SPATA1: variants seen among roughly 807,000 people sequenced by gnomAD.
SPATA1 encodes spermatogenesis-associated protein 1.
A neutral mutation model predicts 59.6 loss-of-function variants in SPATA1; 57 were observed. The ratio of observed to expected loss-of-function variants is 0.96; its 90% CI spans 0.77 to 1.19. The LOEUF (loss-of-function observed/expected upper bound fraction) is 1.19, where lower values mean the gene tolerates loss of function less well. SPATA1 is among the 50% of genes most tolerant of loss of function. The probability of loss-of-function intolerance (pLI) is 0.00; values close to 1 mark genes in which losing one functional copy is unlikely to be tolerated. For synonymous variants in SPATA1, 147 were observed against 163.9 expected (o/e 0.90, Z 0.79); for missense variants, 448 against 480.7 (o/e 0.93, Z 0.64).
chr1:84,545,666 A>G, exon 10 of SPATA1: 1 of 1,525,806 alleles, frequency 6.6e-7, no homozygotes, highest in Non-Finnish European at 8.7e-7. Flanking sequence ...GAAACAAGTA[A>G]AGGAAGAAAG....
At chr1:84,523,025 C>A (rs1263683486) in intron 4 of SPATA1, among the ~76,000 whole-genome samples, 3 of 151,934 alleles carry the variant, frequency 2.0e-5, no homozygotes, top group Admixed American at 2.0e-4. Context: ...ATTCTCCTGC[C>A]TCCCGAGTAG....
chr1:84,562,883 G>C (rs1367567622), intron 4 of SPATA1, among the ~76,000 whole-genome samples: 1 of 151,978 alleles, frequency 6.6e-6, no homozygotes, highest in Non-Finnish European at 1.5e-5. Flanking sequence ...AGAATCTGTA[G>C]GCCACTTTGA....
chr1:84,529,797 C>T (rs1031568384), intron 6 of SPATA1, among the ~76,000 whole-genome samples: 5 of 151,306 alleles, frequency 3.3e-5, no homozygotes, highest in Admixed American at 2.6e-4. Context: ...CCACCCGCCT[C>T]GGCCTCCCAA....
chr1:84,517,145 A>C (rs751195304), intron 2 of SPATA1, among the ~76,000 whole-genome samples: 3 of 152,156 alleles, frequency 2.0e-5, no homozygotes, highest in Non-Finnish European at 1.5e-5. Flanking sequence ...ACAACAGTTG[A>C]CACCATTAAT....
chr1:84,557,932 C>A (rs1382830872), downstream of SPATA1, among the ~76,000 whole-genome samples: 1 of 151,324 alleles, frequency 6.6e-6, no homozygotes, highest in Admixed American at 6.6e-5. Context: ...GCCTTCAATG[C>A]GCACCAAAAT....
intron 7 of SPATA1, 47 bp from the exon 8 acceptor site, chr1:84,533,662 C>A: frequency 7.4e-7 from 1 of 1,350,024 alleles, no homozygotes; most frequent in South Asian, 1.3e-5. Context: ...AGCTAATATT[C>A]ATGGGATCAT....
downstream of SPATA1, among the ~76,000 whole-genome samples, chr1:84,557,116 C>CA (rs2102017094): frequency 6.6e-6 from 1 of 152,278 alleles, no homozygotes; most frequent in Non-Finnish European, 1.5e-5. Flanking sequence ...ATGGTTAAGG[C>CA]ATATTTGCTT....
chr1:84,530,092 A>C (rs1683409181), intron 6 of SPATA1, among the ~76,000 whole-genome samples: 2 of 151,160 alleles, frequency 1.3e-5, no homozygotes, highest in African/African-American at 4.9e-5. Context: ...TCCTGAGCTC[A>C]GGCAATCCGC....
At chr1:84,548,657 G>C (rs1007722553) in intron 10 of SPATA1, 129 bp from the exon 11 acceptor site, 14 of 1,147,614 alleles carry the variant, frequency 1.2e-5, no homozygotes, top group Non-Finnish European at 1.6e-5. Flanking sequence ...GAGAAGAGGA[G>C]AGAAAGAGGA....
At chr1:84,550,341 T>A in intron 11 of SPATA1, 91 bp from the exon 12 acceptor site, 1 of 561,636 alleles carries the variant, frequency 1.8e-6, no homozygotes, top group Non-Finnish European at 2.8e-6. Context: ...ACTCTTTTGA[T>A]CTTTATCATT....
intron 1 of SPATA1, chr1:84,506,822 C>T (rs1682274165): frequency 6.6e-6 from 1 of 152,288 alleles, no homozygotes; most frequent in African/African-American, 2.4e-5. Context: ...GAGAAGGGAT[C>T]TTCTCGAGGT....
intron 2 of SPATA1, among the ~76,000 whole-genome samples, chr1:84,517,742 G>A (rs2101928063): frequency 6.6e-6 from 1 of 151,824 alleles, no homozygotes; most frequent in East Asian, 1.9e-4. Flanking sequence ...CACTTCCAAG[G>A]GATTGACTCC....
At chr1:84,548,985 C>T in intron 11 of SPATA1, 21 bp downstream of exon 11, 2 of 1,526,310 alleles carry the variant, frequency 1.3e-6, no homozygotes, top group Non-Finnish European at 1.8e-6. Flanking sequence ...ATGTATCCCC[C>T]TTCCGTTAGA....
chr1:84,536,646 G>T (rs1486873992), intron 8 of SPATA1, among the ~76,000 whole-genome samples: 1 of 151,852 alleles, frequency 6.6e-6, no homozygotes, highest in Non-Finnish European at 1.5e-5. Flanking sequence ...GTGTTTCACC[G>T]TGTTAGCCAG....
exon 2 of SPATA1, chr1:84,516,328 T>C (rs532134305): frequency 8.7e-6 from 13 of 1,500,244 alleles, no homozygotes; most frequent in East Asian, 2.6e-5. Context: ...AAAATTCCAA[T>C]TGATAATTAT....
chr1:84,566,263 C>T (rs553612182), downstream of SPATA1: 1 of 186,642 alleles, frequency 5.4e-6, no homozygotes, highest in African/African-American at 2.3e-5. Context: ...TAGAAGATGG[C>T]CTTCAAACTC....
downstream of SPATA1, among the ~76,000 whole-genome samples, chr1:84,556,860 A>T (rs772911545): frequency 6.6e-6 from 1 of 152,176 alleles, no homozygotes; most frequent in South Asian, 2.1e-4. Context: ...TTTTAGAACT[A>T]GACAAAGCCA....
chr1:84,549,716 C>T (rs1684213156), intron 11 of SPATA1: 1 of 151,748 alleles, frequency 6.6e-6, no homozygotes, highest in Non-Finnish European at 1.5e-5. Flanking sequence ...TGGATCAATC[C>T]CACTTATCCA....
intron 1 of SPATA1, among the ~76,000 whole-genome samples, chr1:84,515,957 A>G (rs1438386249): frequency 1.3e-5 from 2 of 152,202 alleles, no homozygotes; most frequent in African/African-American, 4.8e-5. Context: ...CTTCATGTAA[A>G]ATGCTATATA....
Sources: allele counts gnomAD v4.1 joint callset (sites outside exome capture counted in the v4.1 genomes callset), GRCh38; gene constraint gnomAD v4.1.1; transcripts MANE v1.5; gene names NCBI Gene and HGNC (gene_info 2026-07-23, HGNC 2026-07-21).